SHISA9: variants seen among roughly 807,000 people sequenced by gnomAD.
SHISA9 encodes the protein shisa family member 9, also known as protein shisa-9.
A neutral mutation model predicts 38.0 loss-of-function variants in SHISA9; 13 were observed. The ratio of observed to expected loss-of-function variants is 0.34; its 90% CI spans 0.22 to 0.54. The LOEUF is 0.54. Among genes scored for constraint, SHISA9 ranks in the 20% least tolerant of loss-of-function variants. The pLI is 0.91. For synonymous variants in SHISA9, 275 were observed against 242.0 expected (o/e 1.14, Z -1.27); for missense variants, 538 against 575.8 (o/e 0.93, Z 0.67).
At chr16:13,505,919 T>C in the SHISA9 span, among the ~76,000 whole-genome samples, 1 of 152,194 alleles carries the variant, frequency 6.6e-6, no homozygotes, top group Non-Finnish European at 1.5e-5. Flanking sequence ...TCATAAACAA[T>C]ATTCATCAAA....
At chr16:12,902,888 T>C in intron 1 of SHISA9, 1 of 404,012 alleles carries the variant, frequency 2.5e-6, no homozygotes, top group East Asian at 4.4e-5. Flanking sequence ...CCTCACCCTC[T>C]GGCCGCCTCC....
the SHISA9 span, among the ~76,000 whole-genome samples, chr16:13,313,615 A>G: frequency 6.6e-6 from 1 of 152,226 alleles, no homozygotes; most frequent in African/African-American, 2.4e-5. Flanking sequence ...ATTGCATTTC[A>G]CTATTGAAAA....
Position 13,075,864 on chromosome 16 carries a change from T to C in SHISA9, c.692-127530T>C, listed in dbSNP as rs115552195. On this transcript the variant is annotated intron_variant, in intron 2 of 4. Transcript: ENST00000558583. ...TTGGCATTCGGGGCCAGATGATTCT[T>C]TGTTGCGGAGGATGGCCCTGTGCAT... Among the ~76,000 whole-genome samples, 757 of 152,124 alleles carry C rather than the reference T, an allele frequency of 5.0e-3. 5 individuals are homozygous for C. Among genetic ancestry groups the C allele is most frequent in the African/African-American group, 0.018 (736 of 41,482 alleles).
chr16:13,262,435 G>A, the SHISA9 span, among the ~76,000 whole-genome samples: 34 of 152,116 alleles, frequency 2.2e-4, no homozygotes, highest in South Asian at 8.3e-4. Context: ...TTTAGCTTTC[G>A]CTGCACTCTG....
intron 2 of SHISA9, among the ~76,000 whole-genome samples, chr16:12,987,580 A>G (rs574310877): frequency 1.5e-4 from 23 of 152,134 alleles, no homozygotes; most frequent in Admixed American, 7.2e-4. Context: ...AACAACACAC[A>G]CCAGGGCCTG....
chr16:13,412,218 C>A, the SHISA9 span, among the ~76,000 whole-genome samples: 1 of 152,134 alleles, frequency 6.6e-6, no homozygotes, highest in Non-Finnish European at 1.5e-5. Flanking sequence ...TGATATCCAA[C>A]CTGGGGAATG....
At chr16:12,958,068 T>C (rs2071860448) in intron 2 of SHISA9, among the ~76,000 whole-genome samples, 1 of 152,196 alleles carries the variant, frequency 6.6e-6, no homozygotes, top group South Asian at 2.1e-4. Flanking sequence ...AGCAGTTTAA[T>C]TGGTTGAAGC....
chr16:13,000,537 A>G (rs2072510688), intron 2 of SHISA9, among the ~76,000 whole-genome samples: 1 of 152,116 alleles, frequency 6.6e-6, no homozygotes, highest in Non-Finnish European at 1.5e-5. Flanking sequence ...TGGGAGGAGT[A>G]ACTCCCTGGA....
At chr16:12,944,581 T>C (rs2071664948) in intron 2 of SHISA9, among the ~76,000 whole-genome samples, 1 of 152,174 alleles carries the variant, frequency 6.6e-6, no homozygotes, top group Admixed American at 6.5e-5. Flanking sequence ...GAATGGGATG[T>C]TGGCAGCAGG....
chr16:13,539,321 GACAGGATCTTTATATATATATAAAGA>G, the SHISA9 span, among the ~76,000 whole-genome samples: 1 of 27,152 alleles, frequency 3.7e-5, no homozygotes, highest in Non-Finnish European at 8.3e-5. Flanking sequence ...TATATATAAA[GACAGGATCTTTATATATATATAAAGA>G]TATATATATA....
the SHISA9 span, among the ~76,000 whole-genome samples, chr16:13,410,266 A>G: frequency 8.7e-4 from 133 of 152,344 alleles, 1 homozygote; most frequent in African/African-American, 3.1e-3. Flanking sequence ...GAATATCTCT[A>G]TAATTGCAGT....
chr16:13,434,951 G>A, the SHISA9 span, among the ~76,000 whole-genome samples: 2 of 152,228 alleles, frequency 1.3e-5, no homozygotes, highest in African/African-American at 2.4e-5. Flanking sequence ...ACTGTGAGCA[G>A]AGAAAGCCTT....
At chr16:13,461,972 G>A in the SHISA9 span, among the ~76,000 whole-genome samples, 2 of 152,030 alleles carry the variant, frequency 1.3e-5, no homozygotes, top group Admixed American at 1.3e-4. Context: ...CAATAAAGAA[G>A]AATTGTTGCA....
intron 4 of SHISA9, among the ~76,000 whole-genome samples, chr16:13,215,380 GA>G (rs2051158393): frequency 2.0e-5 from 3 of 152,176 alleles, no homozygotes; most frequent in Admixed American, 2.0e-4. Context: ...AGAATCCCCT[GA>G]CTACCTGGCT....
At chr16:13,526,360 A>C in the SHISA9 span, among the ~76,000 whole-genome samples, 5 of 152,128 alleles carry the variant, frequency 3.3e-5, no homozygotes, top group African/African-American at 9.7e-5. Flanking sequence ...GAATTGGCTC[A>C]GGTCCTCAGC....
intron 1 of SHISA9, among the ~76,000 whole-genome samples, chr16:12,903,760 C>G (rs74716110): frequency 0.044 from 6,659 of 152,154 alleles, 337 homozygotes; most frequent in East Asian, 0.28. Flanking sequence ...TTTCTCTACC[C>G]TCTCCCCACC....
At chr16:13,175,439 A>G (rs1258457541) in intron 2 of SHISA9, among the ~76,000 whole-genome samples, 2 of 152,164 alleles carry the variant, frequency 1.3e-5, no homozygotes, top group African/African-American at 4.8e-5. Context: ...CAGAGATGCT[A>G]TAAGGAGTAA....
intron 2 of SHISA9, among the ~76,000 whole-genome samples, chr16:13,191,342 C>G (rs1375958556): frequency 2.0e-5 from 3 of 152,200 alleles, no homozygotes; most frequent in East Asian, 1.9e-4. Context: ...TAGACTATGT[C>G]CAAGAATTCT....
At chr16:12,931,903 A>C (rs944629904) in intron 2 of SHISA9, among the ~76,000 whole-genome samples, 1 of 152,174 alleles carries the variant, frequency 6.6e-6, no homozygotes, top group Admixed American at 6.5e-5. Flanking sequence ...TCTCATCTTG[A>C]ATTGTGCTTC....
Sources: gnomAD v4.1 joint callset for allele counts (sites outside exome capture counted in the v4.1 genomes callset) on GRCh38, gnomAD v4.1.1 for gene constraint, MANE v1.5 for transcripts, NCBI Gene and HGNC (gene_info 2026-07-23, HGNC 2026-07-21) for gene names.